Variants in BRWD1 observed in about 807,000 individuals in gnomAD.
The protein encoded by BRWD1 is bromodomain and WD repeat-containing protein 1.
In BRWD1, 82 loss-of-function variants were observed where a neutral mutation model predicts 251.2. The observed-to-expected ratio is 0.33, with a 90% confidence interval of 0.27 to 0.39. The LOEUF is 0.39. Among genes scored for constraint, BRWD1 ranks in the 10% least tolerant of loss-of-function variants. The pLI is 1.00. For synonymous variants in BRWD1, 918 were observed against 902.8 expected (o/e 1.02, Z -0.30); for missense variants, 2,233 against 2,711.6 (o/e 0.82, Z 3.92).
intron 30 of BRWD1, 112 bp downstream of exon 30, chr21:39,218,393 C>T (rs1413199865): frequency 7.7e-6 from 11 of 1,433,220 alleles, no homozygotes; most frequent in Non-Finnish European, 1.0e-5. Context: ...TAAAAGATAA[C>T]CAATACAAAG....
At position 39,254,092 on chromosome 21, in the gene BRWD1, C is replaced by T. The variant is rs557272890; in HGVS notation, c.2255+1553G>A. ...GACAAGCCTGACCAACATGGAGAAA[C>T]CCCGTCTCTACTAAAAATACAAAAT... On this transcript the variant is annotated intron_variant, in intron 19 of 40. Coordinates refer to ENST00000342449, the MANE Select transcript of BRWD1 (RefSeq NM_033656.4). Among the ~76,000 whole-genome samples, 239 of 152,194 alleles carry T rather than the reference C, an allele frequency of 1.6e-3. 2 individuals are homozygous for T. Among genetic ancestry groups the T allele is most frequent in the Middle Eastern group, 3.4e-3 (1 of 294 alleles).
chr21:39,306,854 ATT>A (rs1314664540), intron 4 of BRWD1, among the ~76,000 whole-genome samples: 1 of 152,084 alleles, frequency 6.6e-6, no homozygotes, highest in Non-Finnish European at 1.5e-5. Flanking sequence ...ATAATTGAAA[ATT>A]TGTTTATTTA....
intron 8 of BRWD1, among the ~76,000 whole-genome samples, chr21:39,282,199 C>A (rs545141198): frequency 1.1e-4 from 17 of 152,218 alleles, no homozygotes; most frequent in African/African-American, 4.1e-4. Flanking sequence ...GCCAAGATCA[C>A]ACCACTGCAT....
intron 21 of BRWD1, 142 bp from the exon 22 acceptor site, chr21:39,238,715 A>G: frequency 1.2e-5 from 7 of 569,434 alleles, no homozygotes; most frequent in Non-Finnish European, 1.9e-5. Context: ...ATAATCAGAT[A>G]AACTTAAAAA....
chr21:39,244,042 G>A (rs1472442402), intron 21 of BRWD1, among the ~76,000 whole-genome samples: 3 of 151,860 alleles, frequency 2.0e-5, no homozygotes, highest in African/African-American at 7.3e-5. Flanking sequence ...CTTCGGTAAG[G>A]CAGGGTTTCT....
intron 21 of BRWD1, among the ~76,000 whole-genome samples, chr21:39,241,822 AG>A (rs2034013847): frequency 6.6e-6 from 1 of 152,184 alleles, no homozygotes; most frequent in South Asian, 2.1e-4. Context: ...GTCACATTTT[AG>A]TAATTACCAT....
In BRWD1 at chr21:39,236,798, G is replaced by C; in HGVS notation, c.2577-14C>G. On this transcript the variant is annotated splice_polypyrimidine_tract_variant and intron_variant, in intron 22 of 40. Transcript: ENST00000342449. ...GATGAAGAGTCACTAGAAAAGGGGAGTGCTTTCAGTTGAATGGAGCCAGAA... is the reference window on the plus strand; with the variant it reads ...GATGAAGAGTCACTAGAAAAGGGGACTGCTTTCAGTTGAATGGAGCCAGAA... The C allele has an allele frequency of 6.2e-7, 1 of 1,608,272 alleles. No individual in the cohort carries two copies. The highest frequency in any genetic ancestry group is 1.7e-5 in the Admixed American group (1 of 59,086).
At chr21:39,292,513 C>A (rs577766372) in intron 8 of BRWD1, among the ~76,000 whole-genome samples, 1 of 152,220 alleles carries the variant, frequency 6.6e-6, no homozygotes, top group African/African-American at 2.4e-5. Context: ...CTCATACCCT[C>A]GCCCCAGACG....
At position 39,188,189 on chromosome 21, in the gene BRWD1, C is replaced by T. The variant is rs1327715792; in HGVS notation, c.*8070G>A. ...CTCTTCTAGAACAGAAGTGATATTC[C>T]TTTTACGTATCTGAAGTTCACGGGC... On this transcript the variant is annotated 3_prime_UTR_variant, in exon 41 of 41. Coordinates refer to ENST00000342449, the MANE Select transcript of BRWD1 (RefSeq NM_033656.4). 1.0e-5 allele frequency: 10 copies of T among 985,362 alleles called. No individual in the cohort carries two copies. Among genetic ancestry groups the T allele is most frequent in the African/African-American group, 1.7e-5 (1 of 57,332 alleles). 61.0% of individuals were successfully genotyped at this position (985,362 alleles called of 1,614,324 possible).
chr21:39,279,009 C>T (rs1172240584), intron 9 of BRWD1, among the ~76,000 whole-genome samples, 196 bp from the exon 10 acceptor site: 1 of 152,058 alleles, frequency 6.6e-6, no homozygotes, highest in African/African-American at 2.4e-5. Flanking sequence ...GGCTGGGGAC[C>T]ACAGGCACAC....
intron 2 of BRWD1, 38 bp from the exon 3 acceptor site, chr21:39,313,139 G>GCCCGGGGCGCT (rs1568986732): frequency 6.7e-7 from 1 of 1,495,178 alleles, no homozygotes. Context: ...GTGGGGTCGG[G>GCCCGGGGCGCT]CCCGGGGCGC....
intron 38 of BRWD1, 197 bp from the exon 39 acceptor site, chr21:39,200,583 G>T: frequency 2.5e-6 from 1 of 394,652 alleles, no homozygotes; most frequent in South Asian, 7.2e-5. Context: ...TACATAATCA[G>T]CATTCCAAAT....
rs541268034 is a variant in BRWD1 at position 39,240,399 on chromosome 21, C to G, written c.2482-1826G>C. 2.2e-4 allele frequency among the ~76,000 whole-genome samples: 33 copies of G among 152,298 alleles called. 1 individual carries two copies. Among genetic ancestry groups the G allele is most frequent in the Admixed American group, 1.4e-3 (21 of 15,292 alleles). The stretch of plus-strand genomic sequence containing the variant: ...GTCCTAGCTACTCAAGAGTCAGAAG[C>G]TGGGAAATCACTTGAGCCTAGGAGT... On this transcript the variant is annotated intron_variant, in intron 21 of 40. Coordinates refer to ENST00000342449, the MANE Select transcript of BRWD1 (RefSeq NM_033656.4).
intron 4 of BRWD1, among the ~76,000 whole-genome samples, chr21:39,310,074 A>G (rs1222270254): frequency 6.6e-6 from 1 of 152,244 alleles, no homozygotes; most frequent in African/African-American, 2.4e-5. Context: ...ATTCTCTGAT[A>G]ATCACTGAAG....
chr21:39,225,701 A>G (rs1217430644), intron 27 of BRWD1, among the ~76,000 whole-genome samples: 1 of 152,226 alleles, frequency 6.6e-6, no homozygotes, highest in African/African-American at 2.4e-5. Context: ...TAATTAAAGT[A>G]TGCTTACAGT....
chr21:39,205,974 G>A, intron 37 of BRWD1, 134 bp downstream of exon 37: 2 of 805,582 alleles, frequency 2.5e-6, no homozygotes, highest in Non-Finnish European at 3.9e-6. Flanking sequence ...CAGCTACTTG[G>A]GAGGCTGAGG....
chr21:39,226,941 C>G (rs1171217612), intron 27 of BRWD1, among the ~76,000 whole-genome samples: 2 of 151,896 alleles, frequency 1.3e-5, no homozygotes, highest in Non-Finnish European at 2.9e-5. Context: ...CTGGGCAATA[C>G]AGCAAGACCC....
chr21:39,248,366 C>A (rs548216161), intron 20 of BRWD1, among the ~76,000 whole-genome samples: 1 of 151,984 alleles, frequency 6.6e-6, no homozygotes, highest in Non-Finnish European at 1.5e-5. Context: ...AATTCCAGCA[C>A]TTTGGGAGGA....
intron 13 of BRWD1, among the ~76,000 whole-genome samples, chr21:39,270,697 T>G (rs2035070622): frequency 2.6e-5 from 4 of 152,230 alleles, no homozygotes; most frequent in Admixed American, 2.6e-4. Context: ...ATGAAAGCAA[T>G]GCTTTTTCTC....
Sources: allele counts gnomAD v4.1 joint callset (sites outside exome capture counted in the v4.1 genomes callset), GRCh38; gene constraint gnomAD v4.1.1; transcripts MANE v1.5; gene names NCBI Gene and HGNC (gene_info 2026-07-23, HGNC 2026-07-21).